Variants in GATA4 observed in about 807,000 individuals in gnomAD.
The protein encoded by GATA4 is transcription factor GATA-4.
A neutral mutation model predicts 37.9 loss-of-function variants in GATA4; 7 were observed. That is an observed-to-expected ratio of 0.18 (90% CI 0.11 to 0.35). The LOEUF (loss-of-function observed/expected upper bound fraction) is 0.35. Ranked by LOEUF, GATA4 falls within the 10% of genes least tolerant of loss-of-function variation. The probability of loss-of-function intolerance (pLI) is 1.00; values close to 1 mark genes in which losing one functional copy is unlikely to be tolerated. For missense variants in GATA4, 647 were observed against 653.0 expected (o/e 0.99, Z 0.10); for synonymous variants, 372 against 292.6 (o/e 1.27, Z -2.77).
intron 1 of GATA4, chr8:11,683,119 T>C (rs1467431041): frequency 1.0e-6 from 1 of 985,396 alleles, no homozygotes; most frequent in Non-Finnish European, 1.2e-6. Flanking sequence ...GCTCTTGGTG[T>C]GGTGGCCACT....
At chr8:11,743,267 C>T (rs776327915) in intron 2 of GATA4, among the ~76,000 whole-genome samples, 2 of 152,236 alleles carry the variant, frequency 1.3e-5, no homozygotes, top group Non-Finnish European at 2.9e-5. Flanking sequence ...ATGGATTTTG[C>T]CAACATGTTC....
chr8:11,682,764 C>T (rs1799011681), intron 1 of GATA4, among the ~76,000 whole-genome samples: 1 of 152,196 alleles, frequency 6.6e-6, no homozygotes, highest in African/African-American at 2.4e-5. Context: ...TCCTACTGGT[C>T]AGACGTAGTA....
At chr8:11,738,952 C>G (rs947443291) in intron 2 of GATA4, among the ~76,000 whole-genome samples, 3 of 152,240 alleles carry the variant, frequency 2.0e-5, no homozygotes, top group African/African-American at 7.2e-5. Flanking sequence ...CTGGCTGGGA[C>G]TGTACCCCGA....
rs573016583 is a variant in GATA4, at chr8:11,677,099, G to A, written c.-274+36G>A. 195 of 152,954 alleles carry A rather than the reference G, an allele frequency of 1.3e-3. 3 individuals are homozygous for A. Among genetic ancestry groups the A allele is most frequent in the Non-Finnish European group, 2.3e-3 (161 of 68,568 alleles). 9.5% of individuals were successfully genotyped at this position (152,954 alleles called of 1,614,324 possible). A position where few individuals can be genotyped will look rare whatever the true frequency, so the allele number is the denominator to read the frequency against. Reference sequence around the variant, plus strand: ...TCCTGGCCCTCCTGGTGACCCCTCTGCCGTGGGAGGCTGGGATGCTGGGGG... The same window carrying A: ...TCCTGGCCCTCCTGGTGACCCCTCTACCGTGGGAGGCTGGGATGCTGGGGG... On this transcript the variant is annotated intron_variant, in intron 1 of 6. Coordinates refer to the GATA4 transcript ENST00000528712.
At chr8:11,691,636 G>A (rs980387964), upstream of GATA4, among the ~76,000 whole-genome samples, 17 of 152,210 alleles carry the variant, frequency 1.1e-4, no homozygotes, top group African/African-American at 4.1e-4. Flanking sequence ...TGACTCGCCT[G>A]TGGGCATGGC....
intron 1 of GATA4, chr8:11,694,408 C>A: frequency 1.2e-6 from 1 of 840,324 alleles, no homozygotes. Context: ...AAGGTCAGAG[C>A]TGGCGTGGCC....
chr8:11,732,533 C>G (rs1383658618), intron 2 of GATA4, among the ~76,000 whole-genome samples: 2 of 152,040 alleles, frequency 1.3e-5, no homozygotes, highest in Non-Finnish European at 2.9e-5. Context: ...GAAGTAACAC[C>G]AAAAAACTAA....
intron 1 of GATA4, among the ~76,000 whole-genome samples, chr8:11,696,438 T>C (rs1308315299): frequency 6.6e-6 from 1 of 152,214 alleles, no homozygotes; most frequent in African/African-American, 2.4e-5. Context: ...GCTGGGGTGT[T>C]TGTTGTTCAT....
At chr8:11,685,913 A>C (rs951625542) in intron 1 of GATA4, among the ~76,000 whole-genome samples, 4 of 152,164 alleles carry the variant, frequency 2.6e-5, no homozygotes, top group African/African-American at 9.7e-5. Flanking sequence ...GAGGAAAGTC[A>C]GAGCTTTGTT....
At chr8:11,758,161 C>A in intron 6 of GATA4, 132 bp from the exon 7 acceptor site, 2 of 830,528 alleles carry the variant, frequency 2.4e-6, no homozygotes, top group Non-Finnish European at 4.1e-6. Flanking sequence ...GAGAGAAGTG[C>A]TCCTTGGTCC....
At chr8:11,680,486 T>C in intron 1 of GATA4, 1 of 985,466 alleles carries the variant, frequency 1.0e-6, no homozygotes, top group Middle Eastern at 5.2e-4. Context: ...TGGATGCATT[T>C]CGATCAATCT....
chr8:11,726,155 A>G (rs771949983), intron 2 of GATA4, among the ~76,000 whole-genome samples: 2 of 152,214 alleles, frequency 1.3e-5, no homozygotes, highest in Non-Finnish European at 2.9e-5. Context: ...ATCCTGAAGC[A>G]TTTGGCAGCT....
upstream of GATA4, among the ~76,000 whole-genome samples, chr8:11,690,651 A>G (rs1427714677): frequency 2.6e-5 from 4 of 152,010 alleles, no homozygotes; most frequent in Admixed American, 2.6e-4. Context: ...TGAGAGGGTC[A>G]CTCCAGCCAG....
intron 2 of GATA4, among the ~76,000 whole-genome samples, chr8:11,736,217 T>C (rs1801445894): frequency 6.6e-6 from 1 of 152,226 alleles, no homozygotes; most frequent in South Asian, 2.1e-4. Flanking sequence ...TTTGAATTTT[T>C]GTAGCAATTA....
chr8:11,694,029 A>G lies in GATA4; in HGVS notation c.-729+1369A>G, dbSNP rs191209473. ...AGCAATGTGTTCCTTGAATTCATTTAGGTCGTCTCCCACCTGCCCTTTTCC... is the reference window on the plus strand; with the variant it reads ...AGCAATGTGTTCCTTGAATTCATTTGGGTCGTCTCCCACCTGCCCTTTTCC... On this transcript the variant is annotated intron_variant, in intron 1 of 2. Transcript: ENST00000526974. Among the ~76,000 whole-genome samples the G allele has an allele frequency of 3.3e-5, 5 of 152,306 alleles. No homozygotes were observed. The East Asian group carries it at 7.7e-4, about 24-fold the overall frequency.
Position 11,729,041 on chromosome 8 carries a change from G to A in GATA4, c.617-19875G>A, listed in dbSNP as rs987386069. 4.0e-5 allele frequency among the ~76,000 whole-genome samples: 6 copies of A among 151,774 alleles called. No homozygotes were observed. The East Asian group carries it at 7.9e-4, about 20-fold the overall frequency. On this transcript the variant is annotated intron_variant, in intron 2 of 6. Coordinates refer to ENST00000532059, the MANE Select transcript of GATA4 (RefSeq NM_001308093.3). ...TGAGGTCAGGAATTCGAGACCAGCCGGGCCAACATGGTGAAACCCCTTCTC... is the reference window on the plus strand; with the variant it reads ...TGAGGTCAGGAATTCGAGACCAGCCAGGCCAACATGGTGAAACCCCTTCTC...
chr8:11,730,182 G>A (rs1801136320), intron 2 of GATA4, among the ~76,000 whole-genome samples: 1 of 152,200 alleles, frequency 6.6e-6, no homozygotes, highest in African/African-American at 2.4e-5. Context: ...CCAATGTGCT[G>A]GGATTACAGG....
At chr8:11,678,532 A>C (rs1333538325) in intron 1 of GATA4, among the ~76,000 whole-genome samples, 6 of 152,148 alleles carry the variant, frequency 3.9e-5, no homozygotes, top group African/African-American at 1.4e-4. Context: ...AGGGAAATTG[A>C]AAGGGTTTTA....
At chr8:11,750,370 C>G in intron 4 of GATA4, 134 bp downstream of exon 4, 1 of 1,271,786 alleles carries the variant, frequency 7.9e-7, no homozygotes, top group Non-Finnish European at 1.1e-6. Flanking sequence ...AAGGGGCTTT[C>G]AACTACTTTG....
Sources: allele counts gnomAD v4.1 joint callset (sites outside exome capture counted in the v4.1 genomes callset), GRCh38; gene constraint gnomAD v4.1.1; transcripts MANE v1.5; gene names NCBI Gene and HGNC (gene_info 2026-07-23, HGNC 2026-07-21).